The following WDR27 variants were observed in gnomAD, a reference collection of about 807,000 sequenced individuals.
WDR27 encodes the protein WD repeat domain 27.
WDR27 carries 100 observed loss-of-function variants against 114.4 expected under a neutral mutation model. The ratio of observed to expected loss-of-function variants is 0.87; its 90% CI spans 0.74 to 1.03. WDR27 has a LOEUF of 1.03. Among genes scored for constraint, WDR27 ranks in the 50% least tolerant of loss-of-function variants. The pLI, the probability that WDR27 is intolerant of heterozygous loss-of-function variation, is 0.00. For synonymous variants in WDR27, 449 were observed against 423.1 expected, an observed-to-expected ratio of 1.06 and a Z score of -0.75; for missense variants, 1,129 against 1,092.9, an observed-to-expected ratio of 1.03 and a Z score of -0.47.
At chr6:169,483,406 A>T (rs1370049708) in intron 25 of WDR27, among the ~76,000 whole-genome samples, 3 of 152,206 alleles carry the variant, frequency 2.0e-5, no homozygotes, top group Non-Finnish European at 2.9e-5. Flanking sequence ...CATACGAACT[A>T]GAAAATCTAG....
In WDR27 at chr6:169,500,278, T is replaced by C. The variant is rs540905097; in HGVS notation, c.2646-42644A>G. ...GCTTGGAAAATGATGGTGCGTTTTA[T>C]AGCAACATGTTGACTAAAATTGAGC... On this transcript the variant is annotated intron_variant, in intron 25 of 25. Coordinates refer to ENST00000448612, the MANE Select transcript of WDR27 (RefSeq NM_182552.5). 1.6e-4 allele frequency among the ~76,000 whole-genome samples: 25 copies of C among 152,274 alleles called. 1 individual carries two copies. The South Asian group carries it at 3.5e-3, about 21-fold the overall frequency.
intron 25 of WDR27, among the ~76,000 whole-genome samples, chr6:169,523,787 T>C (rs1228834437): frequency 6.6e-6 from 1 of 152,070 alleles, no homozygotes; most frequent in African/African-American, 2.4e-5. Context: ...AGAAGGAACA[T>C]ACGTCAAAAT....
At position 169,604,435 on chromosome 6, in the gene WDR27, G is replaced by A. The variant is rs187434542; in HGVS notation, c.2322-2114C>T. Among the ~76,000 whole-genome samples, 14 of 152,076 alleles carry A rather than the reference G, an allele frequency of 9.2e-5. No homozygotes were observed. The East Asian group carries it at 2.7e-3, about 29-fold the overall frequency. On this transcript the variant is annotated intron_variant, in intron 22 of 25. Coordinates refer to ENST00000448612, the MANE Select transcript of WDR27 (RefSeq NM_182552.5). ...TAGAAAACCTGAACAGATCAATAAT[G>A]AATAGAAAGACTGAATCAAGAAAAA...
At chr6:169,498,282 G>C (rs1401933678) in intron 25 of WDR27, among the ~76,000 whole-genome samples, 3 of 152,082 alleles carry the variant, frequency 2.0e-5, no homozygotes, top group Non-Finnish European at 2.9e-5. Context: ...GTTTACAGGG[G>C]CTGTGGGGAG....
At chr6:169,575,624 G>A (rs921778932) in intron 24 of WDR27, among the ~76,000 whole-genome samples, 19 of 152,258 alleles carry the variant, frequency 1.2e-4, no homozygotes, top group South Asian at 2.1e-4. Flanking sequence ...AACGCAGCCC[G>A]CTCTCTAGGC....
intron 13 of WDR27, among the ~76,000 whole-genome samples, chr6:169,657,484 G>A (rs1192185925): frequency 1.3e-5 from 2 of 152,222 alleles, no homozygotes; most frequent in South Asian, 4.1e-4. Flanking sequence ...GCCCTTCTGG[G>A]AGGTGAGGCC....
intron 25 of WDR27, among the ~76,000 whole-genome samples, chr6:169,482,914 T>C (rs115535108): frequency 4.1e-4 from 62 of 152,238 alleles, no homozygotes; most frequent in African/African-American, 1.5e-3. Flanking sequence ...TGGAAATTAA[T>C]CAACCTGCTC....
chr6:169,669,546 CAAT>C (rs1778156894), intron 4 of WDR27: 2 of 152,200 alleles, frequency 1.3e-5, no homozygotes, highest in Non-Finnish European at 2.9e-5. Flanking sequence ...CCTGACACAA[CAAT>C]GTTAATTCTT....
At chr6:169,514,842 G>A (rs1229832696) in intron 25 of WDR27, among the ~76,000 whole-genome samples, 4 of 148,748 alleles carry the variant, frequency 2.7e-5, no homozygotes, top group African/African-American at 7.4e-5. Flanking sequence ...AGCAAACAAG[G>A]AATAAAAGGA....
chr6:169,586,278 T>C (rs1480282190), intron 23 of WDR27, among the ~76,000 whole-genome samples: 1 of 152,208 alleles, frequency 6.6e-6, no homozygotes, highest in Non-Finnish European at 1.5e-5. Flanking sequence ...TCTGGACAGT[T>C]CTCTCCAGTG....
At chr6:169,578,241 G>C (rs1409530606) in intron 24 of WDR27, among the ~76,000 whole-genome samples, 1 of 152,176 alleles carries the variant, frequency 6.6e-6, no homozygotes, top group Non-Finnish European at 1.5e-5. Context: ...CGTTAGGTGA[G>C]AGGTCAGCAT....
At chr6:169,682,241 C>CTG (rs1461724150) in intron 2 of WDR27, among the ~76,000 whole-genome samples, 1 of 152,168 alleles carries the variant, frequency 6.6e-6, no homozygotes, top group Non-Finnish European at 1.5e-5. Flanking sequence ...CTGAAGGGAC[C>CTG]CAGTCTCAGT....
intron 21 of WDR27, among the ~76,000 whole-genome samples, chr6:169,630,634 G>A (rs1239566948): frequency 6.6e-6 from 1 of 152,186 alleles, no homozygotes; most frequent in Non-Finnish European, 1.5e-5. Context: ...AGTGGCTCAC[G>A]CCTGTAATCC....
the WDR27 span, among the ~76,000 whole-genome samples, chr6:169,427,979 C>A: frequency 6.6e-6 from 1 of 152,004 alleles, no homozygotes; most frequent in East Asian, 1.9e-4. Context: ...GAGGCGAGGC[C>A]CCAGAGGGGT....
chr6:169,468,336 C>T (rs180867986), intron 25 of WDR27, among the ~76,000 whole-genome samples: 1 of 152,270 alleles, frequency 6.6e-6, no homozygotes, highest in East Asian at 1.9e-4. Context: ...TAAAGATACC[C>T]AAAGAGGTTT....
chr6:169,693,997 T>C (rs910155015), intron 1 of WDR27, among the ~76,000 whole-genome samples: 2 of 152,212 alleles, frequency 1.3e-5, no homozygotes, highest in Non-Finnish European at 2.9e-5. Context: ...AAAATTAACA[T>C]GTATTTGTGC....
intron 23 of WDR27, among the ~76,000 whole-genome samples, chr6:169,583,255 T>A (rs1803819364): frequency 7.0e-6 from 1 of 143,688 alleles, no homozygotes. Flanking sequence ...AAGGAAGGAG[T>A]ATAGATTCTG....
At chr6:169,509,879 C>T (rs896904508) in intron 25 of WDR27, among the ~76,000 whole-genome samples, 1 of 152,210 alleles carries the variant, frequency 6.6e-6, no homozygotes, top group Non-Finnish European at 1.5e-5. Flanking sequence ...GCAACCTACT[C>T]ATCTGACAAA....
chr6:169,533,397 C>CT (rs1795840399), intron 25 of WDR27, among the ~76,000 whole-genome samples: 1 of 152,016 alleles, frequency 6.6e-6, no homozygotes, highest in South Asian at 2.1e-4. Context: ...ACTCCTGAAA[C>CT]TTTTTTGCAT....
Sources: gnomAD v4.1 joint callset for allele counts (sites outside exome capture counted in the v4.1 genomes callset) on GRCh38, gnomAD v4.1.1 for gene constraint, MANE v1.5 for transcripts, NCBI Gene and HGNC (gene_info 2026-07-23, HGNC 2026-07-21) for gene names.